GPR142: variants seen among roughly 807,000 people sequenced by gnomAD.
The protein encoded by GPR142 is G-protein coupled receptor 142 long form.
In GPR142, 9 loss-of-function variants were observed where a neutral mutation model predicts 10.6. That is an observed-to-expected ratio of 0.85 (90% CI 0.51 to 1.48). The LOEUF (loss-of-function observed/expected upper bound fraction) is 1.48, where lower values mean the gene tolerates loss of function less well. GPR142 is among the 40% of genes most tolerant of loss of function. The probability of loss-of-function intolerance (pLI) is 0.00; values close to 1 mark genes in which losing one functional copy is unlikely to be tolerated. For missense variants in GPR142, 482 were observed against 506.0 expected (o/e 0.95, Z 0.45); for synonymous variants, 202 against 221.2 (o/e 0.91, Z 0.77).
At chr17:74,370,718 C>A in intron 3 of GPR142, 39 bp downstream of exon 3, 1 of 1,581,840 alleles carries the variant, frequency 6.3e-7, no homozygotes, top group South Asian at 1.1e-5. Flanking sequence ...TGGGCTTGGC[C>A]AGAAATGGGG....
rs769576088 is a variant in GPR142 at position 74,372,031 on chromosome 17, C to T, written c.556C>T (p.Arg186Trp). The part of the protein sequence containing the change: ...LHHRAASSPG[R>W]TRRAIAAVLS... Reference sequence around the variant, plus strand: ...CCATCGGGCCGCCTCGTCCCCAGGCCGGACCCGCCGGGCCATTGCTGCTGT... The same window carrying T: ...CCATCGGGCCGCCTCGTCCCCAGGCTGGACCCGCCGGGCCATTGCTGCTGT... The change falls in exon 4 of 4, where the codon CGG (arginine) becomes TGG (tryptophan). Residue 186 changes from arginine (R) to tryptophan (W), a missense_variant. Physicochemically the swap from Arg to Trp is moderately radical, Grantham distance 101. Coordinates refer to ENST00000582579, the MANE Select transcript of GPR142 (RefSeq NM_001331076.1). The T allele has an allele frequency of 3.1e-5, 50 of 1,613,638 alleles. No individual in the cohort carries two copies. The highest frequency in any genetic ancestry group is 4.0e-5 in the African/African-American group (3 of 74,932).
chr17:74,367,941 C>T (rs897394284), intron 1 of GPR142, 147 bp downstream of exon 1: 3 of 776,158 alleles, frequency 3.9e-6, no homozygotes, highest in Admixed American at 3.0e-5. Context: ...CCTTGTGTTC[C>T]GTCTGAAGAA....
In GPR142 at chr17:74,372,578, TCC is replaced by T; in HGVS notation, c.1106_1107del (p.Pro369HisfsTer?). On this transcript the variant is annotated frameshift_variant, in exon 4 of 4. Coordinates refer to ENST00000582579, the MANE Select transcript of GPR142 (RefSeq NM_001331076.1). LOFTEE classifies it high-confidence loss of function. ...AAGCCTGTGATGGAGCCTCCGGGACTCCCCACAGGGGCAGAAGTGTAGAGGAG... is the reference window on the plus strand; with the variant it reads ...AAGCCTGTGATGGAGCCTCCGGGACTCCACAGGGGCAGAAGTGTAGAGGAG... The T allele has an allele frequency of 1.9e-6, 3 of 1,606,732 alleles. No homozygotes were observed. The highest frequency in any genetic ancestry group is 2.5e-6 in the Non-Finnish European group (3 of 1,179,712).
At position 74,372,127 on chromosome 17, in the gene GPR142, C is replaced by G; in HGVS notation, c.652C>G (p.Pro218Ala). The change falls in exon 4 of 4, where the codon CCC (proline) becomes GCC (alanine). Residue 218 changes from proline to alanine, a missense_variant. Coordinates refer to ENST00000582579, the MANE Select transcript of GPR142 (RefSeq NM_001331076.1). ...WLDMWRDTDS[P>A]RTLDEVLKWA... ...GGACATGTGGAGAGACACCGACTCA[C>G]CCAGAACACTGGACGAGGTCCTCAA... 3.7e-6 allele frequency: 6 copies of G among 1,614,210 alleles called. No individual in the cohort carries two copies. Among genetic ancestry groups the G allele is most frequent in the Non-Finnish European group, 5.1e-6 (6 of 1,180,030 alleles).
rs374270854 is a variant in GPR142 at position 74,371,906 on chromosome 17, G to A, written c.431G>A (p.Arg144His). ...CGCCAGGTGCCCCAGGCTGTGGTGC[G>A]CACGGCCAACATCCTGGAGTTTGCT... ...LARQVPQAVVRTANILEFAAN... is the reference protein window; with the variant it reads ...LARQVPQAVVHTANILEFAAN... Residue 144 changes from arginine to histidine, a missense_variant, in exon 4 of 4, where the codon CGC (arginine) becomes CAC (histidine). Transcript: ENST00000582579. 60 of 1,612,674 alleles carry A rather than the reference G, an allele frequency of 3.7e-5. No homozygotes were observed. Among genetic ancestry groups the A allele is most frequent in the African/African-American group, 1.3e-4 (10 of 74,924 alleles).
chr17:74,369,360 A>G, intron 1 of GPR142, 108 bp from the exon 2 acceptor site: 1 of 1,063,432 alleles, frequency 9.4e-7, no homozygotes, highest in Non-Finnish European at 1.4e-6. Context: ...TGTGCGCCTT[A>G]GAGCACCCTG....
intron 1 of GPR142, 47 bp from the exon 2 acceptor site, chr17:74,369,421 C>A (rs760836747): frequency 1.4e-5 from 21 of 1,539,874 alleles, no homozygotes; most frequent in Non-Finnish European, 1.8e-5. Context: ...CCTCCGCCCA[C>A]CAGTTCCTTC....
At chr17:74,368,380 T>G (rs990666474) in intron 1 of GPR142, among the ~76,000 whole-genome samples, 2 of 151,476 alleles carry the variant, frequency 1.3e-5, no homozygotes, top group African/African-American at 4.8e-5. Flanking sequence ...AGTCCCACTG[T>G]GCCACCCAGG....
Position 74,371,750 on chromosome 17 carries a change from C to T in GPR142, c.275C>T (p.Ala92Val). Residue 92 changes from alanine to valine, a missense_variant, in exon 4 of 4, where the codon GCC becomes GTC. Transcript: ENST00000582579. ...TCAGTCAGCCTCCTGACCGCAGTGG[C>T]CCTGGCGCGCCTTGCCACCAGGACC... is the stretch of plus-strand genomic sequence containing the variant. ...GLPVSLLTAV[A>V]LARLATRTRR... The T allele has an allele frequency of 6.2e-7, 1 of 1,605,564 alleles. No individual in the cohort carries two copies. Among genetic ancestry groups the T allele is most frequent in the African/African-American group, 1.3e-5 (1 of 75,002 alleles).
In GPR142 at chr17:74,367,524, C is replaced by T; in HGVS notation, c.-344C>T. Reference sequence around the variant, plus strand: ...GTTAGCAATGAGTATTATGATGTTGCCCATGGAGCAAAAGATCCAGTGGGT... The same window carrying T: ...GTTAGCAATGAGTATTATGATGTTGTCCATGGAGCAAAAGATCCAGTGGGT... On this transcript the variant is annotated 5_prime_UTR_variant, in exon 1 of 4. Transcript: ENST00000582579. 1 of 1,614,006 alleles carries T rather than the reference C, an allele frequency of 6.2e-7. No individual in the cohort carries two copies. Among genetic ancestry groups the T allele is most frequent in the Non-Finnish European group, 8.5e-7 (1 of 1,179,916 alleles).
chr17:74,372,079 G>C lies in GPR142; in HGVS notation c.604G>C (p.Gly202Arg), dbSNP rs138139383. 1 of 1,614,070 alleles carries C rather than the reference G, an allele frequency of 6.2e-7. No homozygotes were observed. Among genetic ancestry groups the C allele is most frequent in the Non-Finnish European group, 8.5e-7 (1 of 1,180,052 alleles). ...AAVLSAALLTGIPFYWWLDMW... is the reference protein window; with the variant it reads ...AAVLSAALLTRIPFYWWLDMW... ...TGTCCTGAGTGCTGCCCTGTTGACC[G>C]GCATCCCCTTCTACTGGTGGCTGGA... Residue 202 changes from glycine (G) to arginine (R), a missense_variant, in exon 4 of 4, where the codon GGC (glycine) becomes CGC (arginine). By Grantham distance (125) the Gly-to-Arg change is moderately radical (BLOSUM62 -2). Transcript: ENST00000582579.
At position 74,371,802 on chromosome 17, in the gene GPR142, G is replaced by T; in HGVS notation, c.327G>T (p.Leu109=). 6.2e-7 allele frequency: 1 copy of T among 1,613,308 alleles called. No individual in the cohort carries two copies. Among genetic ancestry groups the T allele is most frequent in the Non-Finnish European group, 8.5e-7 (1 of 1,180,006 alleles). The change falls in exon 4 of 4, where the codon CTG becomes CTT. Residue 109 remains leucine (L), a synonymous_variant. Coordinates refer to ENST00000582579, the MANE Select transcript of GPR142 (RefSeq NM_001331076.1). The part of the protein sequence containing the change: ...RTRRPSYYYL[L]ALTASDIIIQ... The stretch of plus-strand genomic sequence containing the variant: ...GGAGGCCCTCCTACTACTACCTTCT[G>T]GCGCTCACAGCCTCGGATATCATCA...
At position 74,367,722 on chromosome 17, in the gene GPR142, T is replaced by C; in HGVS notation, c.-146T>C. On this transcript the variant is annotated 5_prime_UTR_variant, in exon 1 of 4. Coordinates refer to ENST00000582579, the MANE Select transcript of GPR142 (RefSeq NM_001331076.1). ...AAGCTGGGACCTCCGAATAAGGCCA[T>C]CCAAGGACTCCAGCAGTTTCCGCCA... 6.2e-7 allele frequency: 1 copy of C among 1,614,006 alleles called. No individual in the cohort carries two copies. Among genetic ancestry groups the C allele is most frequent in the East Asian group, 2.2e-5 (1 of 44,886 alleles).
rs1567937702 is a variant in GPR142 at position 74,371,888 on chromosome 17, T to C, written c.413T>C (p.Val138Ala). 3 of 1,613,296 alleles carry C rather than the reference T, an allele frequency of 1.9e-6. No individual in the cohort carries two copies. Among genetic ancestry groups the C allele is most frequent in the Non-Finnish European group, 2.5e-6 (3 of 1,180,000 alleles). The change falls in exon 4 of 4, where the codon GTG becomes GCG. Residue 138 changes from valine (V) to alanine (A), a missense_variant. Val to Ala is a moderately conservative substitution (Grantham distance 64). Coordinates refer to ENST00000582579, the MANE Select transcript of GPR142 (RefSeq NM_001331076.1). ...CAGGGAGCAGTGCTGGCCCGCCAGG[T>C]GCCCCAGGCTGTGGTGCGCACGGCC... ...LLQGAVLARQ[V>A]PQAVVRTANI...
chr17:74,370,701 G>A, intron 3 of GPR142, 22 bp downstream of exon 3: 2 of 1,599,162 alleles, frequency 1.3e-6, no homozygotes, highest in Non-Finnish European at 1.7e-6. Flanking sequence ...GCTGGGGTCT[G>A]GGGACTTGGG....
chr17:74,369,762 C>T, intron 2 of GPR142, 128 bp downstream of exon 2: 1 of 965,164 alleles, frequency 1.0e-6, no homozygotes, highest in Non-Finnish European at 1.5e-6. Flanking sequence ...CAGTGAGCCC[C>T]CCGGCCTCAG....
intron 1 of GPR142, among the ~76,000 whole-genome samples, chr17:74,368,319 G>A (rs1226489179): frequency 1.3e-5 from 2 of 152,112 alleles, no homozygotes; most frequent in Non-Finnish European, 1.5e-5. Flanking sequence ...CTGGGGCTGG[G>A]GTCCCAGCAC....
intron 3 of GPR142, among the ~76,000 whole-genome samples, 186 bp downstream of exon 3, chr17:74,370,865 G>T (rs554264666): frequency 6.6e-6 from 1 of 152,184 alleles, no homozygotes; most frequent in Non-Finnish European, 1.5e-5. Flanking sequence ...AGGATTGGGG[G>T]TGCTCACAGC....
chr17:74,367,629 G>A lies in GPR142; in HGVS notation c.-239G>A, dbSNP rs1274477879. ...GGAAGACAAATCAATGGTGTCCCAT[G>A]CACAGAAAAGCCAGCATTCTTGTCT... On this transcript the variant is annotated 5_prime_UTR_variant, in exon 1 of 4. The change abolishes an upstream ATG in the 5' untranslated region. Transcript: ENST00000582579. 1.2e-6 allele frequency: 2 copies of A among 1,614,088 alleles called. No homozygotes were observed. The highest frequency in any genetic ancestry group is 1.3e-5 in the African/African-American group (1 of 74,926).
Sources: gnomAD v4.1 joint callset for allele counts (sites outside exome capture counted in the v4.1 genomes callset) on GRCh38, gnomAD v4.1.1 for gene constraint, MANE v1.5 for transcripts, NCBI Gene and HGNC (gene_info 2026-07-23, HGNC 2026-07-21) for gene names.